MS4A15: variants seen among roughly 807,000 people sequenced by gnomAD.
MS4A15 encodes the protein membrane spanning 4-domains A15.
In MS4A15, 22 loss-of-function variants were observed where a neutral mutation model predicts 20.6. That is an observed-to-expected ratio of 1.07 (90% CI 0.76 to 1.52). The LOEUF is 1.52. Among genes scored for constraint, MS4A15 ranks in the 40% most tolerant of loss-of-function variants. The pLI, the probability that MS4A15 is intolerant of heterozygous loss-of-function variation, is 0.00. For synonymous variants in MS4A15, 129 were observed against 129.3 expected (o/e 1.00, Z 0.02); for missense variants, 312 against 323.0 (o/e 0.97, Z 0.26).
chr11:60,768,877 C>T (rs1343108369), intron 3 of MS4A15, among the ~76,000 whole-genome samples: 3 of 152,158 alleles, frequency 2.0e-5, no homozygotes, highest in African/African-American at 7.2e-5. Context: ...TCTTCCCCTG[C>T]CCAGGCTGCC....
intron 3 of MS4A15, among the ~76,000 whole-genome samples, chr11:60,768,778 A>G (rs1031136567): frequency 2.6e-5 from 4 of 152,242 alleles, no homozygotes; most frequent in Non-Finnish European, 4.4e-5. Flanking sequence ...ACTGTTGAGC[A>G]AGTCCTTTTT....
At chr11:60,774,921 G>GGACAAGCGGGGCTC (rs1001509689) in intron 6 of MS4A15, among the ~76,000 whole-genome samples, 2 of 152,162 alleles carry the variant, frequency 1.3e-5, no homozygotes, top group African/African-American at 4.8e-5. Flanking sequence ...TGGAGAGGGT[G>GGACAAGCGGGGCTC]GACAAGCGGG....
chr11:60,775,780 C>T lies in MS4A15; in HGVS notation c.*65C>T. The T allele has an allele frequency of 1.5e-6, 2 of 1,325,942 alleles. No homozygotes were observed. 82.1% of individuals were successfully genotyped at this position (1,325,942 alleles called of 1,614,324 possible). ...CCCTCTGGGCCCAGCCTCTCCCCACCCCCACCTTGTTCATCAGGGGCCAGC... is the reference window on the plus strand; with the variant it reads ...CCCTCTGGGCCCAGCCTCTCCCCACTCCCACCTTGTTCATCAGGGGCCAGC... On this transcript the variant is annotated 3_prime_UTR_variant, in exon 7 of 7. Coordinates refer to ENST00000405633, the MANE Select transcript of MS4A15 (RefSeq NM_001098835.2).
Position 60,763,770 on chromosome 11 carries a change from G to T in MS4A15, c.37G>T (p.Val13Phe). ...AAPASNGVFV[V>F]IPPNNASGLC... is the part of the protein sequence containing the mutation. ...TCCCGCCAGCAATGGAGTGTTTGTT[G>T]TCATCCCGCCAAACAACGCCAGTGG... Residue 13 changes from valine (V) to phenylalanine (F), a missense_variant, in exon 2 of 7, where the codon GTC becomes TTC. Val to Phe is a conservative substitution (Grantham distance 50). Transcript: ENST00000405633. The T allele has an allele frequency of 6.2e-7, 1 of 1,612,220 alleles. No individual in the cohort carries two copies. Among genetic ancestry groups the T allele is most frequent in the Non-Finnish European group, 8.5e-7 (1 of 1,179,898 alleles).
chr11:60,760,085 G>A (rs559889306), intron 1 of MS4A15, among the ~76,000 whole-genome samples: 3 of 152,298 alleles, frequency 2.0e-5, no homozygotes, highest in South Asian at 4.1e-4. Flanking sequence ...ACCCACAGGT[G>A]TGGAGGGGCA....
chr11:60,764,159 A>G (rs1418210758), intron 2 of MS4A15, among the ~76,000 whole-genome samples: 1 of 152,148 alleles, frequency 6.6e-6, no homozygotes, highest in African/African-American at 2.4e-5. Context: ...TGACTCAGAA[A>G]CCTCCAAAGA....
At chr11:60,764,958 T>A (rs547045929) in intron 2 of MS4A15, among the ~76,000 whole-genome samples, 1 of 151,714 alleles carries the variant, frequency 6.6e-6, no homozygotes, top group Non-Finnish European at 1.5e-5. Flanking sequence ...TTAGCAGAGT[T>A]TATGTGAGCT....
chr11:60,757,059 G>T lies in MS4A15; in HGVS notation c.-29+1G>T, dbSNP rs1288435493. The stretch of plus-strand genomic sequence containing the variant: ...ACTCATCAATTTTCGGGGAATCCCG[G>T]TAAGGGACAGTCCTGACTCCCGTCA... On this transcript the variant is annotated splice_donor_variant, in intron 1 of 6. Coordinates refer to ENST00000405633, the MANE Select transcript of MS4A15 (RefSeq NM_001098835.2). LOFTEE classifies it low-confidence loss of function (5UTR_SPLICE). 6.6e-6 allele frequency: 1 copy of T among 152,238 alleles called. No individual in the cohort carries two copies. The highest frequency in any genetic ancestry group is 2.4e-5 in the African/African-American group (1 of 41,452). 9.4% of individuals were successfully genotyped at this position (152,238 alleles called of 1,614,324 possible).
At chr11:60,759,010 G>A (rs1448080226) in intron 1 of MS4A15, among the ~76,000 whole-genome samples, 1 of 152,246 alleles carries the variant, frequency 6.6e-6, no homozygotes, top group Non-Finnish European at 1.5e-5. Flanking sequence ...GCGGTGTGTA[G>A]TATTACTCAT....
chr11:60,773,370 C>T (rs775349220), intron 4 of MS4A15, 22 bp from the exon 5 acceptor site: 1 of 1,600,742 alleles, frequency 6.2e-7, no homozygotes, highest in Non-Finnish European at 8.5e-7. Flanking sequence ...TCCCTCTGCT[C>T]CTGTCTCTCT....
intron 1 of MS4A15, among the ~76,000 whole-genome samples, chr11:60,760,827 C>T (rs886568652): frequency 8.5e-5 from 13 of 152,232 alleles, no homozygotes; most frequent in Admixed American, 2.0e-4. Flanking sequence ...CTGACAATGA[C>T]GGTGATGACT....
intron 1 of MS4A15, among the ~76,000 whole-genome samples, chr11:60,759,043 G>T (rs931342541): frequency 3.9e-5 from 6 of 152,228 alleles, no homozygotes; most frequent in Non-Finnish European, 7.3e-5. Context: ...CATGTGAAGG[G>T]CATTACTAAT....
At chr11:60,757,983 C>T (rs1565066926) in intron 1 of MS4A15, among the ~76,000 whole-genome samples, 1 of 152,142 alleles carries the variant, frequency 6.6e-6, no homozygotes, top group Non-Finnish European at 1.5e-5. Context: ...TCACCGTTTA[C>T]GAAGGAGGTG....
intron 4 of MS4A15, among the ~76,000 whole-genome samples, chr11:60,773,036 G>T (rs1854081104): frequency 6.6e-6 from 1 of 152,224 alleles, no homozygotes; most frequent in South Asian, 2.1e-4. Flanking sequence ...CTCAGCTGCA[G>T]CTTCTCCTGC....
In MS4A15 at chr11:60,763,795, G is replaced by T. The variant is rs748986359; in HGVS notation, c.62G>T (p.Gly21Val). 8.1e-6 allele frequency: 13 copies of T among 1,612,288 alleles called. No individual in the cohort carries two copies. Among genetic ancestry groups the T allele is most frequent in the Non-Finnish European group, 1.1e-5 (13 of 1,179,896 alleles). ...FVVIPPNNAS[G>V]LCPPPAILPT... ...GTCATCCCGCCAAACAACGCCAGTG[G>T]CCTCTGCCCACCTCCGGCCATTCTG... The change falls in exon 2 of 7, where the codon GGC becomes GTC. Residue 21 changes from glycine to valine, a missense_variant. Gly to Val is a moderately radical substitution (Grantham distance 109). Coordinates refer to ENST00000405633, the MANE Select transcript of MS4A15 (RefSeq NM_001098835.2).
At chr11:60,760,512 A>G (rs945278790) in intron 1 of MS4A15, among the ~76,000 whole-genome samples, 1 of 152,180 alleles carries the variant, frequency 6.6e-6, no homozygotes, top group Non-Finnish European at 1.5e-5. Context: ...AATACATGCT[A>G]TCCCCATGCC....
In MS4A15 at chr11:60,763,689, CATT is replaced by C. The variant is rs1294966804; in HGVS notation, c.-28-11_-28-9del. ...GCACATGGGTGACAATCATCATTGC[CATT>C]ATTATCTCCCAAGCCTTTGTTTCCC... On this transcript the variant is annotated splice_polypyrimidine_tract_variant and intron_variant, in intron 1 of 6. Transcript: ENST00000405633. The C allele has an allele frequency of 2.5e-6, 4 of 1,593,014 alleles. No homozygotes were observed. Among genetic ancestry groups the C allele is most frequent in the South Asian group, 2.2e-5 (2 of 90,358 alleles).
At chr11:60,773,526 A>G (rs754969932) in intron 5 of MS4A15, 42 bp downstream of exon 5, 11 of 1,569,038 alleles carry the variant, frequency 7.0e-6, no homozygotes, top group Non-Finnish European at 7.9e-6. Context: ...AACTTGGAAA[A>G]TGATGCAGCC....
At chr11:60,772,001 G>A (rs975921575) in intron 4 of MS4A15, among the ~76,000 whole-genome samples, 2 of 152,296 alleles carry the variant, frequency 1.3e-5, no homozygotes, top group Admixed American at 6.5e-5. Context: ...GTAGACACCC[G>A]TAAAGCAAAC....
Sources: gnomAD v4.1 joint callset for allele counts (sites outside exome capture counted in the v4.1 genomes callset) on GRCh38, gnomAD v4.1.1 for gene constraint, MANE v1.5 for transcripts, NCBI Gene and HGNC (gene_info 2026-07-23, HGNC 2026-07-21) for gene names.